The following TEX101 variants were observed in gnomAD, a reference collection of about 807,000 sequenced individuals.
TEX101 encodes testis-expressed protein 101.
A neutral mutation model predicts 18.1 loss-of-function variants in TEX101; 10 were observed. That is an observed-to-expected ratio of 0.55 (90% CI 0.34 to 0.94). TEX101 has a LOEUF of 0.94. TEX101 is among the 40% of genes least tolerant of loss of function. The pLI, the probability that TEX101 is intolerant of heterozygous loss-of-function variation, is 0.02. For missense variants in TEX101, 259 were observed against 298.9 expected (o/e 0.87, Z 0.98); for synonymous variants, 94 against 114.8 (o/e 0.82, Z 1.16).
chr19:43,392,593 A>C, the TEX101 span, among the ~76,000 whole-genome samples: 1 of 152,226 alleles, frequency 6.6e-6, no homozygotes, highest in South Asian at 2.1e-4. Flanking sequence ...ACATGGAGAC[A>C]CCACGATAGT....
chr19:43,406,483 C>A (rs1276109304), exon 3 of TEX101: 1 of 766,968 alleles, frequency 1.3e-6, no homozygotes, highest in East Asian at 2.5e-5. Flanking sequence ...TGGGCGGTCC[C>A]GCCTCCATCT....
upstream of TEX101, chr19:43,414,792 G>A (rs1192160497): frequency 5.2e-6 from 5 of 969,618 alleles, no homozygotes; most frequent in African/African-American, 5.3e-5. Flanking sequence ...GAGGTGCCGC[G>A]TTCCTCCAGG....
the TEX101 span, among the ~76,000 whole-genome samples, chr19:43,388,701 G>C: frequency 1.3e-5 from 2 of 152,154 alleles, no homozygotes; most frequent in African/African-American, 4.8e-5. Context: ...TGTGTGTAAC[G>C]GGTTGCACCT....
chr19:43,395,893 C>T, the TEX101 span, among the ~76,000 whole-genome samples: 2 of 152,234 alleles, frequency 1.3e-5, no homozygotes, highest in African/African-American at 2.4e-5. Flanking sequence ...TCCACCTTTA[C>T]GCCAATCCTC....
At chr19:43,393,087 G>GGAAC in the TEX101 span, among the ~76,000 whole-genome samples, 1 of 149,616 alleles carries the variant, frequency 6.7e-6, no homozygotes, top group Non-Finnish European at 1.5e-5. Flanking sequence ...AAGGAAGGAA[G>GGAAC]GAAGGAAGGA....
intron 2 of TEX101, among the ~76,000 whole-genome samples, chr19:43,405,935 A>G (rs1970357050): frequency 6.6e-6 from 1 of 151,990 alleles, no homozygotes; most frequent in Admixed American, 6.6e-5. Context: ...GATAAAATAA[A>G]ATGGAAGGAT....
intron 4 of TEX101, among the ~76,000 whole-genome samples, chr19:43,417,301 A>G (rs1001500469): frequency 1.3e-5 from 2 of 151,428 alleles, no homozygotes; most frequent in Non-Finnish European, 2.9e-5. Context: ...TCTGGCCATA[A>G]AAAACAAAAA....
chr19:43,418,345 G>A lies in TEX101; in HGVS notation c.698G>A (p.Gly233Glu), dbSNP rs748485642. 13 of 1,614,002 alleles carry A rather than the reference G, an allele frequency of 8.1e-6. No homozygotes were observed. The highest frequency in any genetic ancestry group is 5.3e-5 in the African/African-American group (4 of 74,912). The change falls in exon 6 of 6, where the codon GGG (glycine) becomes GAG (glutamate). Residue 233 changes from glycine (G) to glutamate (E), a missense_variant. By Grantham distance (98) the Gly-to-Glu change is moderately conservative (BLOSUM62 -2). Coordinates refer to ENST00000598265, the MANE Select transcript of TEX101 (RefSeq NM_001130011.3). Reference protein sequence around the residue: ...GATCLPIPVWGLQLLLPLLLP... With the variant: ...GATCLPIPVWELQLLLPLLLP... The stretch of plus-strand genomic sequence containing the variant: ...ACCTGTCTTCCCATTCCTGTTTGGG[G>A]GTTACAGCTACTGCTGCCATTGCTG...
At chr19:43,394,472 C>CT in the TEX101 span, among the ~76,000 whole-genome samples, 1,405 of 140,202 alleles carry the variant, frequency 0.01, 7 homozygotes, top group Middle Eastern at 0.018. Context: ...GCCTGACTTA[C>CT]TTTTTTTTTT....
chr19:43,390,963 C>T, the TEX101 span, among the ~76,000 whole-genome samples: 453 of 152,162 alleles, frequency 3.0e-3, 5 homozygotes, highest in East Asian at 0.019. Context: ...ATGCATTTCA[C>T]GACGTTAGGC....
chr19:43,418,511 A>G lies in TEX101; in HGVS notation c.*114A>G. Reference sequence around the variant, plus strand: ...GGAATTTGAGGGAGAATACAGAGATACTATGAACGTATTTGACATTTTTAA... The same window carrying G: ...GGAATTTGAGGGAGAATACAGAGATGCTATGAACGTATTTGACATTTTTAA... On this transcript the variant is annotated 3_prime_UTR_variant, in exon 6 of 6. Coordinates refer to ENST00000598265, the MANE Select transcript of TEX101 (RefSeq NM_001130011.3). 1 of 812,398 alleles carries G rather than the reference A, an allele frequency of 1.2e-6. No individual in the cohort carries two copies. The highest frequency in any genetic ancestry group is 1.9e-6 in the Non-Finnish European group (1 of 512,834). The allele number at this position is 812,398 out of a possible 1,614,324, so 50.3% of individuals were successfully genotyped here. A position where few individuals can be genotyped will look rare whatever the true frequency, so the allele number is the denominator to read the frequency against.
chr19:43,405,512 A>G (rs1367100150), intron 2 of TEX101, among the ~76,000 whole-genome samples: 1 of 139,470 alleles, frequency 7.2e-6, no homozygotes, highest in African/African-American at 2.7e-5. Context: ...CAGAAGTTGC[A>G]GTGAGCCAAG....
the TEX101 span, among the ~76,000 whole-genome samples, chr19:43,388,814 C>T: frequency 6.6e-6 from 1 of 152,176 alleles, no homozygotes; most frequent in Non-Finnish European, 1.5e-5. Flanking sequence ...AGACAAGTTT[C>T]TTTTACTTCT....
the TEX101 span, among the ~76,000 whole-genome samples, chr19:43,389,563 A>G: frequency 6.6e-6 from 1 of 151,644 alleles, no homozygotes; most frequent in Non-Finnish European, 1.5e-5. Context: ...GTGGCCTCCA[A>G]GCTGGCTTCA....
upstream of TEX101, among the ~76,000 whole-genome samples, chr19:43,398,350 A>C (rs1970291811): frequency 6.8e-6 from 1 of 147,740 alleles, no homozygotes; most frequent in Admixed American, 7.1e-5. Flanking sequence ...ATCTTCGCTC[A>C]CTGCAACCTC....
upstream of TEX101, among the ~76,000 whole-genome samples, chr19:43,413,884 G>A (rs973221113): frequency 6.6e-6 from 1 of 152,078 alleles, no homozygotes; most frequent in Non-Finnish European, 1.5e-5. Flanking sequence ...GAACCTGGGA[G>A]AGGGAGGTTG....
chr19:43,388,966 C>T, the TEX101 span, among the ~76,000 whole-genome samples: 1 of 152,108 alleles, frequency 6.6e-6, no homozygotes, highest in African/African-American at 2.4e-5. Context: ...GGGGTTCCTC[C>T]CGGGCCCTGC....
intron 4 of TEX101, among the ~76,000 whole-genome samples, chr19:43,416,923 C>T (rs1465402437): frequency 6.6e-6 from 1 of 151,546 alleles, no homozygotes; most frequent in Non-Finnish European, 1.5e-5. Context: ...ATCCCAGATA[C>T]TCGGGAAGCT....
intron 4 of TEX101, 123 bp from the exon 5 acceptor site, chr19:43,417,755 C>A (rs1176109098): frequency 1.6e-6 from 2 of 1,265,800 alleles, no homozygotes; most frequent in Non-Finnish European, 2.2e-6. Flanking sequence ...GATGGGGAGG[C>A]TGAAGTAATG....
Sources: gnomAD v4.1 joint callset for allele counts (sites outside exome capture counted in the v4.1 genomes callset) on GRCh38, gnomAD v4.1.1 for gene constraint, MANE v1.5 for transcripts, NCBI Gene and HGNC (gene_info 2026-07-23, HGNC 2026-07-21) for gene names.